TAT: variants seen among roughly 807,000 people sequenced by gnomAD.
TAT encodes L-tyrosine:2-oxoglutarate aminotransferase.
Under a neutral mutation model 53.6 loss-of-function variants are expected in TAT, and 35 were observed. That is an observed-to-expected ratio of 0.65 (90% confidence interval 0.50 to 0.87). The LOEUF (loss-of-function observed/expected upper bound fraction) is 0.87, where lower values mean the gene tolerates loss of function less well. Among genes scored for constraint, TAT ranks in the 40% least tolerant of loss-of-function variants. The probability of loss-of-function intolerance (pLI) is 0.00; values close to 1 mark genes in which losing one functional copy is unlikely to be tolerated. For synonymous variants in TAT, 197 were observed against 206.5 expected (o/e 0.95, Z 0.39); for missense variants, 525 against 571.8 (o/e 0.92, Z 0.83).
chr16:71,567,984 G>A lies in TAT; in HGVS notation c.*160C>T, dbSNP rs923730739. 2.1e-5 allele frequency: 16 copies of A among 766,004 alleles called. No individual in the cohort carries two copies. Among genetic ancestry groups the A allele is most frequent in the African/African-American group, 3.4e-5 (2 of 58,616 alleles). The allele number at this position is 766,004 out of a possible 1,614,324, so 47.5% of individuals were successfully genotyped here. A position where few individuals can be genotyped will look rare whatever the true frequency, so the allele number is the denominator to read the frequency against. On this transcript the variant is annotated 3_prime_UTR_variant, in exon 12 of 12. Transcript: ENST00000355962. ...GTGAATGAGGAGGATCTGAGTGTGG[G>A]TGTGGTTGTACTTGGGGAAAAGCAG...
In TAT at chr16:71,568,045, G is replaced by T; in HGVS notation, c.*99C>A. The T allele has an allele frequency of 6.9e-7, 1 of 1,440,902 alleles. No homozygotes were observed. The allele number at this position is 1,440,902 out of a possible 1,614,324, so 89.3% of individuals were successfully genotyped here. A position where few individuals can be genotyped will look rare whatever the true frequency, so the allele number is the denominator to read the frequency against. ...GAACCCTTGACATGGTGCATTTGAG[G>T]CCCCTCTCCCAGTAGGGCCACCTGA... On this transcript the variant is annotated 3_prime_UTR_variant, in exon 12 of 12. Coordinates refer to ENST00000355962, the MANE Select transcript of TAT (RefSeq NM_000353.3).
At chr16:71,571,729 T>A (rs995392262) in intron 6 of TAT, 71 bp from the exon 7 acceptor site, 31 of 1,410,972 alleles carry the variant, frequency 2.2e-5, no homozygotes, top group South Asian at 5.8e-5. Context: ...CATAATATCA[T>A]GTAATTTCCC....
Position 71,565,875 on chromosome 16 carries a change from G to A in TAT, c.*2269C>T, listed in dbSNP as rs1218824429. The stretch of plus-strand genomic sequence containing the variant: ...TCGTTTGAAATTGTCCAGTGTGTAT[G>A]TGTTCTTTTCAAATGTTTGAAGAAC... On this transcript the variant is annotated 3_prime_UTR_variant, in exon 12 of 12. Transcript: ENST00000355962. The A allele has an allele frequency of 6.6e-6, 1 of 152,204 alleles. No homozygotes were observed. Among genetic ancestry groups the A allele is most frequent in the Admixed American group, 6.5e-5 (1 of 15,284 alleles). The allele number at this position is 152,204 out of a possible 1,614,324, so 9.4% of individuals were successfully genotyped here.
chr16:71,572,737 A>G (rs1469045175), intron 4 of TAT, 49 bp from the exon 5 acceptor site: 9 of 1,610,442 alleles, frequency 5.6e-6, no homozygotes, highest in African/African-American at 1.3e-5. Flanking sequence ...CAACAGCAAC[A>G]GGAGAAAAGA....
chr16:71,571,091 A>G (rs1280328653), intron 7 of TAT, among the ~76,000 whole-genome samples: 1 of 152,238 alleles, frequency 6.6e-6, no homozygotes, highest in Non-Finnish European at 1.5e-5. Context: ...TTACAACTCC[A>G]TGAAGCTGGC....
At chr16:71,572,098 C>A in intron 6 of TAT, 88 bp downstream of exon 6, 1 of 1,572,358 alleles carries the variant, frequency 6.4e-7, no homozygotes, top group South Asian at 1.1e-5. Context: ...AGGCTTGGAA[C>A]TTAGGGAATG....
chr16:71,569,997 C>T, intron 9 of TAT, 60 bp from the exon 10 acceptor site: 1 of 1,525,986 alleles, frequency 6.6e-7, no homozygotes, highest in Non-Finnish European at 8.9e-7. Flanking sequence ...AAAGCCAAGT[C>T]ATTAAAAATA....
intron 5 of TAT, 69 bp downstream of exon 5, chr16:71,572,461 A>C: frequency 6.2e-7 from 1 of 1,610,196 alleles, no homozygotes. Context: ...CCTCTGCTGA[A>C]GTAATGTTCA....
chr16:71,576,569 TGTAAA>T, intron 1 of TAT, 142 bp from the exon 2 acceptor site: 1 of 760,692 alleles, frequency 1.3e-6, no homozygotes, highest in Non-Finnish European at 2.2e-6. Flanking sequence ...TACTTTCTGT[TGTAAA>T]GTAGCTTTAC....
chr16:71,575,733 T>G (rs113590395), intron 3 of TAT, 189 bp downstream of exon 3: 9 of 653,502 alleles, frequency 1.4e-5, no homozygotes, highest in African/African-American at 1.1e-4. Context: ...AGGAAAGAAG[T>G]TGGACCTTGA....
rs776087222 is a variant in TAT at position 71,572,336 on chromosome 16, G to T, written c.568-12C>A. 5.0e-6 allele frequency: 8 copies of T among 1,614,148 alleles called. No homozygotes were observed. On this transcript the variant is annotated splice_polypyrimidine_tract_variant and intron_variant, in intron 5 of 11. Coordinates refer to ENST00000355962, the MANE Select transcript of TAT (RefSeq NM_000353.3). ...CAAGATTTCTCTGGCTGGAGAGAAA[G>T]AAAGGATGAGACTAAGATGATTCTG...
intron 4 of TAT, among the ~76,000 whole-genome samples, 171 bp downstream of exon 4, chr16:71,573,368 A>G (rs774438705): frequency 1.3e-5 from 2 of 152,176 alleles, no homozygotes; most frequent in Non-Finnish European, 2.9e-5. Context: ...GACATTAACT[A>G]TAATCACTGA....
rs191273364 is a variant in TAT at position 71,573,215 on chromosome 16, T to A, written c.408+324A>T. On this transcript the variant is annotated intron_variant, in intron 4 of 11. Transcript: ENST00000355962. ...GAAAGATCCTATTGGTAAAATTTTT[T>A]AAAATAATTTTTTAGTGTTTATGAG... Among the ~76,000 whole-genome samples the A allele has an allele frequency of 2.1e-3, 315 of 152,360 alleles. 1 individual carries two copies. The highest frequency in any genetic ancestry group is 3.5e-3 in the South Asian group (17 of 4,818).
chr16:71,575,250 T>C (rs1188021140), intron 3 of TAT: 1 of 152,970 alleles, frequency 6.5e-6, no homozygotes, highest in Non-Finnish European at 1.5e-5. Flanking sequence ...TATGTACACA[T>C]AAGGAAAAAA....
chr16:71,570,618 A>G (rs1200145428), intron 8 of TAT, 61 bp downstream of exon 8: 3 of 1,611,500 alleles, frequency 1.9e-6, no homozygotes, highest in Non-Finnish European at 2.5e-6. Context: ...CCTTGTCCCC[A>G]CTGTGCTCAT....
rs1171837952 is a variant in TAT at position 71,570,347 on chromosome 16, G to A, written c.963C>T (p.Thr321=). 1 of 1,614,032 alleles carries A rather than the reference G, an allele frequency of 6.2e-7. No individual in the cohort carries two copies. Among genetic ancestry groups the A allele is most frequent in the Non-Finnish European group, 8.5e-7 (1 of 1,180,036 alleles). Residue 321 remains threonine (T), a synonymous_variant, in exon 9 of 12, where the codon ACC becomes ACT. Transcript: ENST00000355962. ...TGCTTTTCAGAGCTCCCTGGACAAT[G>A]GTACAGGGTCCCAAAATGCGCTGAC... ...KLSQRILGPC[T]IVQGALKSIL...
Position 71,576,274 on chromosome 16 carries a change from T to C in TAT, c.142A>G (p.Met48Val), listed in dbSNP as rs747951568. 1.4e-5 allele frequency: 23 copies of C among 1,614,074 alleles called. No homozygotes were observed. The highest frequency in any genetic ancestry group is 2.2e-5 in the South Asian group (2 of 91,090). ...KARWSVRPSDMAKKTFNPIRA... is the reference protein window; with the variant it reads ...KARWSVRPSDVAKKTFNPIRA... ...ATGGGGTTGAAAGTTTTCTTGGCCA[T>C]GTCTGAGGGCCTCACAGACCACCTG... The change falls in exon 2 of 12, where the codon ATG becomes GTG. Residue 48 changes from methionine to valine, a missense_variant. Transcript: ENST00000355962.
chr16:71,570,372 C>A lies in TAT; in HGVS notation c.938G>T (p.Ser313Ile). ...GGTACAGGGTCCCAAAATGCGCTGA[C>A]TCAGCTTCACCAGCCCATCTCGGAT... ...NEIRDGLVKL[S>I]QRILGPCTIV... Residue 313 changes from serine (S) to isoleucine (I), a missense_variant, in exon 9 of 12, where the codon AGT (serine) becomes ATT (isoleucine). Ser to Ile is a moderately radical substitution (Grantham distance 142, BLOSUM62 -2). Transcript: ENST00000355962. 6.2e-7 allele frequency: 1 copy of A among 1,614,192 alleles called. No individual in the cohort carries two copies. Among genetic ancestry groups the A allele is most frequent in the East Asian group, 2.2e-5 (1 of 44,876 alleles).
At position 71,568,791 on chromosome 16, in the gene TAT, G is replaced by A. The variant is rs756760421; in HGVS notation, c.1144C>T (p.His382Tyr). The change falls in exon 11 of 12, where the codon CAT (histidine) becomes TAT (tyrosine). Residue 382 changes from histidine (H) to tyrosine (Y), a missense_variant. Transcript: ENST00000355962. ...ACATCGTTCTCAAATTCTGGGAAATGTTCCATCTCAATTCCAACCTATACC... is the reference window on the plus strand; with the variant it reads ...ACATCGTTCTCAAATTCTGGGAAATATTCCATCTCAATTCCAACCTATACC... ...MYLMVGIEME[H>Y]FPEFENDVEF... 6.2e-6 allele frequency: 10 copies of A among 1,613,876 alleles called. No individual in the cohort carries two copies. The South Asian group carries it at 1.1e-4, about 18-fold the overall frequency.
Sources: gnomAD v4.1 joint callset for allele counts (sites outside exome capture counted in the v4.1 genomes callset) on GRCh38, gnomAD v4.1.1 for gene constraint, MANE v1.5 for transcripts, NCBI Gene and HGNC (gene_info 2026-07-23, HGNC 2026-07-21) for gene names.